EXD3: variants seen among roughly 807,000 people sequenced by gnomAD.
EXD3 encodes the protein exonuclease mut-7 homolog.
A neutral mutation model predicts 98.0 loss-of-function variants in EXD3; 92 were observed. The observed-to-expected ratio is 0.94, with a 90% CI of 0.79 to 1.12. The LOEUF (loss-of-function observed/expected upper bound fraction) is 1.12. Ranked by LOEUF, EXD3 falls within the 50% of genes most tolerant of loss-of-function variation. EXD3 has a pLI of 0.00. For missense variants in EXD3, 1,222 were observed against 1,191.6 expected, an observed-to-expected ratio of 1.03 and a Z score of -0.38; for synonymous variants, 569 against 526.0, an observed-to-expected ratio of 1.08 and a Z score of -1.12.
intron 17 of EXD3, among the ~76,000 whole-genome samples, chr9:137,327,617 G>A (rs529202162): frequency 1.8e-4 from 27 of 151,978 alleles, no homozygotes; most frequent in African/African-American, 6.3e-4. Context: ...TAGTTACTTC[G>A]TGGTAATAAC....
At chr9:137,392,582 T>C in intron 2 of EXD3, 1 of 235,330 alleles carries the variant, frequency 4.2e-6, no homozygotes, top group African/African-American at 2.2e-5. Context: ...GAGCTGGCCT[T>C]GTTGACAGAG....
At chr9:137,313,173 C>T (rs954919672) in intron 19 of EXD3, among the ~76,000 whole-genome samples, 1 of 152,160 alleles carries the variant, frequency 6.6e-6, no homozygotes, top group Non-Finnish European at 1.5e-5. Context: ...GAGACACGAG[C>T]CCTGGGACCT....
At chr9:137,311,474 C>T (rs1259388513) in intron 19 of EXD3, among the ~76,000 whole-genome samples, 3 of 152,228 alleles carry the variant, frequency 2.0e-5, no homozygotes, top group East Asian at 3.9e-4. Context: ...GGATGGGCTC[C>T]CCACACCCCC....
At chr9:137,367,343 C>T (rs1332032656) in intron 6 of EXD3, among the ~76,000 whole-genome samples, 1 of 152,138 alleles carries the variant, frequency 6.6e-6, no homozygotes, top group Non-Finnish European at 1.5e-5. Flanking sequence ...GTGTAGACAC[C>T]CCTCCCTCTT....
Position 137,366,618 on chromosome 9 carries a change from C to G in EXD3, c.531G>C (p.Leu177=), listed in dbSNP as rs1384258669. Residue 177 remains leucine, a synonymous_variant, in exon 7 of 22, where the codon CTG becomes CTC. Transcript: ENST00000340951. ...ELGVEKMSIP[L]LLQDKVALVE... ...CGAGGGCCACCTTGTCCTGGAGGAG[C>G]AGTGGGATGCTCATCTGCAGGGGGA... is the stretch of plus-strand genomic sequence containing the variant. 1.3e-6 allele frequency: 2 copies of G among 1,558,010 alleles called. No homozygotes were observed. Among genetic ancestry groups the G allele is most frequent in the Non-Finnish European group, 1.7e-6 (2 of 1,152,058 alleles).
In EXD3 at chr9:137,347,928, C is replaced by G; in HGVS notation, c.1998+143G>C. On this transcript the variant is annotated intron_variant, in intron 17 of 21. Transcript: ENST00000340951. The surrounding 1 kb of genome is among the most constrained non-coding windows in gnomAD (Gnocchi z 4.2). Reference sequence around the variant, plus strand: ...CCCCAACCGCTCCATCCTTGGCCACCCCGTCCTGTTCCCAGAGCCTGCCTG... The same window carrying G: ...CCCCAACCGCTCCATCCTTGGCCACGCCGTCCTGTTCCCAGAGCCTGCCTG... The G allele has an allele frequency of 9.7e-7, 1 of 1,032,288 alleles. No homozygotes were observed. The highest frequency in any genetic ancestry group is 1.4e-6 in the Non-Finnish European group (1 of 723,820). The allele number at this position is 1,032,288 out of a possible 1,614,324, so 63.9% of individuals were successfully genotyped here.
chr9:137,417,999 AC>A (rs1454487548), intron 1 of EXD3, among the ~76,000 whole-genome samples: 1 of 151,752 alleles, frequency 6.6e-6, no homozygotes, highest in African/African-American at 2.4e-5. Context: ...GAGGCCGAGG[AC>A]CCCCGGGGCT....
intron 21 of EXD3, 41 bp from the exon 22 acceptor site, chr9:137,307,304 G>C (rs747921932): frequency 1.4e-6 from 2 of 1,450,324 alleles, no homozygotes; most frequent in Non-Finnish European, 1.8e-6. Flanking sequence ...CTCAGCCTTC[G>C]GGCACGGCCC....
intron 8 of EXD3, among the ~76,000 whole-genome samples, chr9:137,355,965 G>T (rs1037861082): frequency 2.6e-5 from 4 of 152,146 alleles, no homozygotes; most frequent in Non-Finnish European, 5.9e-5. Flanking sequence ...GAGTCCTGCG[G>T]ACTTGGACTC....
At chr9:137,350,898 G>A (rs1324438286) in intron 14 of EXD3, 140 bp downstream of exon 14, 12 of 675,574 alleles carry the variant, frequency 1.8e-5, no homozygotes, top group Non-Finnish European at 2.5e-5. Flanking sequence ...CTCTGCTCTG[G>A]GGCCCTGGTG....
At chr9:137,419,553 C>T (rs1168062806) in intron 1 of EXD3, among the ~76,000 whole-genome samples, 1 of 152,076 alleles carries the variant, frequency 6.6e-6, no homozygotes, top group Non-Finnish European at 1.5e-5. Context: ...CCTGTAATCC[C>T]AGTTACTTGG....
chr9:137,360,463 CT>C lies in EXD3; in HGVS notation c.657-4096del, dbSNP rs398113954. Among the ~76,000 whole-genome samples the C allele has an allele frequency of 4.9e-4, 29 of 59,414 alleles. 2 individuals are homozygous for C. The highest frequency in any genetic ancestry group is 7.0e-4 in the Admixed American group (3 of 4,270). 39.0% of individuals were successfully genotyped at this position (59,414 alleles called of 152,430 possible). On this transcript the variant is annotated intron_variant, in intron 7 of 21. Transcript: ENST00000340951. ...TTCATCCTTCCTTCCTTTTCTTCTT[CT>C]TTTTTTTTTTTTTTGAGATGGAGTC...
At position 137,351,300 on chromosome 9, in the gene EXD3, C is replaced by A; in HGVS notation, c.1384+18G>T. 2 of 1,604,686 alleles carry A rather than the reference C, an allele frequency of 1.2e-6. No individual in the cohort carries two copies. Among genetic ancestry groups the A allele is most frequent in the South Asian group, 1.1e-5 (1 of 89,832 alleles). On this transcript the variant is annotated intron_variant, in intron 13 of 21. Coordinates refer to ENST00000340951, the MANE Select transcript of EXD3 (RefSeq NM_017820.5). The stretch of plus-strand genomic sequence containing the variant: ...CTTTCTTTCTGGACTGGGCAGGGGG[C>A]CCCAGGGCTTCACTCACCCAGCTTG...
intron 1 of EXD3, among the ~76,000 whole-genome samples, chr9:137,404,651 G>A (rs757214358): frequency 1.3e-5 from 2 of 152,134 alleles, no homozygotes; most frequent in African/African-American, 2.4e-5. Context: ...ACCTGAGGTC[G>A]GGAGTTCGAG....
rs1009219793 is a variant in EXD3, at chr9:137,406,414, A to G, written c.-47-11010T>C. On this transcript the variant is annotated intron_variant, in intron 1 of 21. Coordinates refer to ENST00000340951, the MANE Select transcript of EXD3 (RefSeq NM_017820.5). ...TGAGAGCTGGGGGCTGAGTGCAGCC[A>G]GGGCGGGGTGAGCCTCGTGACACCC... Among the ~76,000 whole-genome samples the G allele has an allele frequency of 2.0e-5, 3 of 152,194 alleles. No homozygotes were observed. The East Asian group carries it at 5.8e-4, about 29-fold the overall frequency.
intron 12 of EXD3, among the ~76,000 whole-genome samples, chr9:137,351,848 C>T (rs1248436667): frequency 2.0e-5 from 3 of 152,228 alleles, no homozygotes; most frequent in Admixed American, 6.5e-5. Flanking sequence ...CGGCACCTTC[C>T]ACAGGCTGGC....
At chr9:137,362,506 A>ATTT (rs35995834) in intron 7 of EXD3, among the ~76,000 whole-genome samples, 2 of 143,348 alleles carry the variant, frequency 1.4e-5, no homozygotes, top group Admixed American at 7.0e-5. Context: ...GAACTTCCTC[A>ATTT]TTTTTTTTTT....
chr9:137,373,553 A>G lies in EXD3; in HGVS notation c.167T>C (p.Leu56Pro). The G allele has an allele frequency of 6.2e-7, 1 of 1,603,810 alleles. No homozygotes were observed. The highest frequency in any genetic ancestry group is 1.1e-5 in the South Asian group (1 of 89,286). The change falls in exon 4 of 22, where the codon CTG becomes CCG. Residue 56 changes from leucine to proline, a missense_variant. Leu to Pro is a moderately conservative substitution (Grantham distance 98). Transcript: ENST00000340951. ...WRGFAALDDP[L>P]AGLLDMLESC... is the part of the protein sequence containing the mutation. ...CTCCAGCATGTCCAGAAGCCCGGCC[A>G]GGGGGTCGTCCAAGGCAGCAAACCC...
At chr9:137,398,893 C>T (rs1311062400) in intron 1 of EXD3, among the ~76,000 whole-genome samples, 2 of 149,880 alleles carry the variant, frequency 1.3e-5, no homozygotes, top group Non-Finnish European at 3.0e-5. Flanking sequence ...CATGCACCCG[C>T]GTCCCCAAGA....
Sources: allele counts gnomAD v4.1 joint callset (sites outside exome capture counted in the v4.1 genomes callset), GRCh38; gene constraint gnomAD v4.1.1; non-coding constraint Gnocchi (gnomAD v3.1); transcripts MANE v1.5; gene names NCBI Gene and HGNC (gene_info 2026-07-23, HGNC 2026-07-21).